The following CSPG5 variants were observed in gnomAD, a reference collection of about 807,000 sequenced individuals.
CSPG5 encodes the protein acidic leucine-rich EGF-like domain-containing brain protein.
A neutral mutation model predicts 39.8 loss-of-function variants in CSPG5; 25 were observed. The observed-to-expected ratio is 0.63, with a 90% confidence interval of 0.46 to 0.88. The LOEUF is 0.88. Ranked by LOEUF, CSPG5 falls within the 40% of genes least tolerant of loss-of-function variation. CSPG5 has a pLI of 0.00. For synonymous variants in CSPG5, 295 were observed against 303.9 expected (o/e 0.97, Z 0.31); for missense variants, 627 against 702.2 (o/e 0.89, Z 1.21).
Position 47,570,164 on chromosome 3 carries a change from G to A in CSPG5, c.1383-937C>T, listed in dbSNP as rs554287821. 2.0e-5 allele frequency among the ~76,000 whole-genome samples: 3 copies of A among 152,102 alleles called. No individual in the cohort carries two copies. In the East Asian group the frequency reaches 5.8e-4, roughly 29 times the overall value. On this transcript the variant is annotated intron_variant, in intron 3 of 4. Transcript: ENST00000264723. ...GTTATATAGGTATATGTGTGTCATGGTAGTTGGCTGCACCTATCAACCCGT... is the reference window on the plus strand; with the variant it reads ...GTTATATAGGTATATGTGTGTCATGATAGTTGGCTGCACCTATCAACCCGT...
At position 47,577,682 on chromosome 3, in the gene CSPG5, G is replaced by A. The variant is rs1201825570; in HGVS notation, c.344C>T (p.Ala115Val). The A allele has an allele frequency of 1.3e-6, 2 of 1,593,620 alleles. No individual in the cohort carries two copies. ...SPGLGGVTAE[A>V]GSGDAQALPA... ...AAGGGCCTGGGCATCGCCGCTGCCC[G>A]CCTCTGCGGTCACTCCTCCCAGGCC... Residue 115 changes from alanine (A) to valine (V), a missense_variant, in exon 2 of 5, where the codon GCG becomes GTG. By Grantham distance (64) the Ala-to-Val change is moderately conservative. Transcript: ENST00000264723. The surrounding 1 kb of genome is among the most constrained non-coding windows in gnomAD (Gnocchi z 4.7).
chr3:47,577,648 C>A lies in CSPG5; in HGVS notation c.378G>T (p.Thr126=), dbSNP rs144574217. The change falls in exon 2 of 5, where the codon ACG becomes ACT. Residue 126 remains threonine (T), a synonymous_variant. Transcript: ENST00000264723. This position sits in a 1 kb window ranked among gnomAD's most constrained non-coding sequence, Gnocchi z 4.7. ...GSGDAQALPA[T]LQAPHEVLGQ... is the part of the protein sequence containing the mutation. ...CGAGGACCTCGTGGGGAGCCTGGAG[C>A]GTAGCTGGAAGGGCCTGGGCATCGC... is the stretch of plus-strand genomic sequence containing the variant. The A allele has an allele frequency of 4.6e-4, 745 of 1,608,466 alleles. 3 individuals carry two copies. The African/African-American group carries it at 8.3e-3, about 18-fold the overall frequency.
chr3:47,577,454 A>G lies in CSPG5; in HGVS notation c.572T>C (p.Leu191Pro). 1 of 1,614,038 alleles carries G rather than the reference A, an allele frequency of 6.2e-7. No individual in the cohort carries two copies. Among genetic ancestry groups the G allele is most frequent in the Non-Finnish European group, 8.5e-7 (1 of 1,179,998 alleles). ...GSTPDPQGPE[L>P]TYPFQGTLEP... Reference sequence around the variant, plus strand: ...CAGGGTGCCCTGAAATGGGTAAGTCAGCTCTGGCCCTTGAGGGTCGGGTGT... The same window carrying G: ...CAGGGTGCCCTGAAATGGGTAAGTCGGCTCTGGCCCTTGAGGGTCGGGTGT... The change falls in exon 2 of 5, where the codon CTG (leucine) becomes CCG (proline). Residue 191 changes from leucine (L) to proline (P), a missense_variant. By Grantham distance (98) the Leu-to-Pro change is moderately conservative. Coordinates refer to ENST00000264723, the MANE Select transcript of CSPG5 (RefSeq NM_006574.4). This position sits in a 1 kb window ranked among gnomAD's most constrained non-coding sequence, Gnocchi z 4.7.
chr3:47,578,546 C>A lies in CSPG5; in HGVS notation c.97+51G>T. On this transcript the variant is annotated intron_variant, in intron 1 of 4. Transcript: ENST00000264723. This position sits in a 1 kb window ranked among gnomAD's most constrained non-coding sequence, Gnocchi z 6.0. Reference sequence around the variant, plus strand: ...GTCCCCGCCGCCAGCGGGACCCCTGCCCTGGGTGGGGCACGAGGGCCGCGG... The same window carrying A: ...GTCCCCGCCGCCAGCGGGACCCCTGACCTGGGTGGGGCACGAGGGCCGCGG... 1 of 648,756 alleles carries A rather than the reference C, an allele frequency of 1.5e-6. No individual in the cohort carries two copies. The highest frequency in any genetic ancestry group is 1.9e-5 in the African/African-American group (1 of 51,510). The allele number at this position is 648,756 out of a possible 1,614,324, so 40.2% of individuals were successfully genotyped here. A position where few individuals can be genotyped will look rare whatever the true frequency, so the allele number is the denominator to read the frequency against.
intron 4 of CSPG5, among the ~76,000 whole-genome samples, chr3:47,565,129 C>T (rs1406577607): frequency 6.6e-6 from 1 of 152,156 alleles, no homozygotes; most frequent in Admixed American, 6.5e-5. Flanking sequence ...GACTAAGTGA[C>T]TCCTCACAGA....
intron 4 of CSPG5, among the ~76,000 whole-genome samples, chr3:47,566,108 T>C (rs1310935553): frequency 2.6e-5 from 4 of 152,238 alleles, no homozygotes; most frequent in African/African-American, 9.6e-5. Flanking sequence ...ACTTTTTTGC[T>C]TGCAATCTTT....
chr3:47,577,455 G>T lies in CSPG5; in HGVS notation c.571C>A (p.Leu191Met). 2 of 1,614,090 alleles carry T rather than the reference G, an allele frequency of 1.2e-6. No individual in the cohort carries two copies. The highest frequency in any genetic ancestry group is 1.7e-6 in the Non-Finnish European group (2 of 1,180,020). Residue 191 changes from leucine (L) to methionine (M), a missense_variant, in exon 2 of 5, where the codon CTG becomes ATG. By Grantham distance (15) the Leu-to-Met change is conservative (BLOSUM62 2). Coordinates refer to ENST00000264723, the MANE Select transcript of CSPG5 (RefSeq NM_006574.4). This position sits in a 1 kb window ranked among gnomAD's most constrained non-coding sequence, Gnocchi z 4.7. ...AGGGTGCCCTGAAATGGGTAAGTCA[G>T]CTCTGGCCCTTGAGGGTCGGGTGTG... is the stretch of plus-strand genomic sequence containing the variant. ...GSTPDPQGPE[L>M]TYPFQGTLEP... is the part of the protein sequence containing the mutation.
chr3:47,570,783 G>C (rs1482464470), intron 3 of CSPG5, among the ~76,000 whole-genome samples: 1 of 152,264 alleles, frequency 6.6e-6, no homozygotes, highest in East Asian at 1.9e-4. Context: ...GCCTCCCAAA[G>C]TGCTGGGATT....
intron 4 of CSPG5, among the ~76,000 whole-genome samples, chr3:47,565,344 C>G (rs909295370): frequency 6.6e-6 from 1 of 152,234 alleles, no homozygotes; most frequent in African/African-American, 2.4e-5. Flanking sequence ...AATGTCTACA[C>G]CAAGATGGGG....
At chr3:47,576,530 C>T (rs2031741796) in intron 2 of CSPG5, among the ~76,000 whole-genome samples, 1 of 149,118 alleles carries the variant, frequency 6.7e-6, no homozygotes, top group African/African-American at 2.5e-5. Context: ...ACGATCTTGG[C>T]TCACTGCAAC....
At chr3:47,567,512 G>A (rs1208719561) in intron 4 of CSPG5, among the ~76,000 whole-genome samples, 1 of 152,148 alleles carries the variant, frequency 6.6e-6, no homozygotes, top group Admixed American at 6.5e-5. Flanking sequence ...TACAAACCAA[G>A]TGAAATAATC....
chr3:47,562,434 G>T lies in CSPG5; in HGVS notation c.*166C>A. 1 of 556,740 alleles carries T rather than the reference G, an allele frequency of 1.8e-6. No individual in the cohort carries two copies. The highest frequency in any genetic ancestry group is 2.9e-6 in the Non-Finnish European group (1 of 346,704). 34.5% of individuals were successfully genotyped at this position (556,740 alleles called of 1,614,324 possible). On this transcript the variant is annotated 3_prime_UTR_variant, in exon 5 of 5. Coordinates refer to ENST00000264723, the MANE Select transcript of CSPG5 (RefSeq NM_006574.4). ...TGTTCAGTTTCTTTGCTTATTTTAA[G>T]TATTTTTTTGCCTCCTGTACAAAAT...
rs575557109 is a variant in CSPG5, at chr3:47,574,461, G to A, written c.1194-1587C>T. On this transcript the variant is annotated intron_variant, in intron 2 of 4. Transcript: ENST00000264723. ...CTGAATTTTGAGGAGCAAAATCACAGGGTTTCCTCATATTTCTGGTAGCCC... is the reference window on the plus strand; with the variant it reads ...CTGAATTTTGAGGAGCAAAATCACAAGGTTTCCTCATATTTCTGGTAGCCC... 2.6e-5 allele frequency among the ~76,000 whole-genome samples: 4 copies of A among 152,250 alleles called. No homozygotes were observed. The South Asian group carries it at 8.3e-4, about 32-fold the overall frequency.
chr3:47,576,789 T>C (rs779925843), intron 2 of CSPG5, 44 bp downstream of exon 2: 2 of 1,519,326 alleles, frequency 1.3e-6, no homozygotes, highest in Non-Finnish European at 1.8e-6. Context: ...CGGCCTCACA[T>C]ACACTCTTCA....
Position 47,576,990 on chromosome 3 carries a change from G to A in CSPG5, c.1036C>T (p.Pro346Ser). 1 of 1,613,484 alleles carries A rather than the reference G, an allele frequency of 6.2e-7. No homozygotes were observed. Among genetic ancestry groups the A allele is most frequent in the Non-Finnish European group, 8.5e-7 (1 of 1,179,692 alleles). Reference sequence around the variant, plus strand: ...TCACTGGAGGCCAAGTCCCTGCCTGGCTCTCCTGGGCGGGGCCTGAGGGCG... The same window carrying A: ...TCACTGGAGGCCAAGTCCCTGCCTGACTCTCCTGGGCGGGGCCTGAGGGCG... ...SIALRPRPGE[P>S]GRDLASSENG... is the part of the protein sequence containing the mutation. The change falls in exon 2 of 5, where the codon CCA (proline) becomes TCA (serine). Residue 346 changes from proline to serine, a missense_variant. Transcript: ENST00000264723.
At position 47,562,753 on chromosome 3, in the gene CSPG5, A is replaced by C. The variant is rs1247361830; in HGVS notation, c.1467T>G (p.Pro489=). 2 of 1,605,956 alleles carry C rather than the reference A, an allele frequency of 1.2e-6. No individual in the cohort carries two copies. Among genetic ancestry groups the C allele is most frequent in the African/African-American group, 2.7e-5 (2 of 74,546 alleles). Residue 489 remains proline (P), a synonymous_variant, in exon 5 of 5, where the codon CCT becomes CCG. Coordinates refer to ENST00000264723, the MANE Select transcript of CSPG5 (RefSeq NM_006574.4). ...IAEGSHPNDD[P]SAPHKIQEVL... Reference sequence around the variant, plus strand: ...CCTCCTGGATTTTGTGGGGAGCACTAGGATCATCCTGGAAGAGGGAAAAAG... The same window carrying C: ...CCTCCTGGATTTTGTGGGGAGCACTCGGATCATCCTGGAAGAGGGAAAAAG...
intron 4 of CSPG5, among the ~76,000 whole-genome samples, chr3:47,564,292 G>A (rs2031205086): frequency 1.3e-5 from 2 of 152,176 alleles, no homozygotes; most frequent in South Asian, 4.1e-4. Flanking sequence ...TTATGGGAGT[G>A]ATGAGTTGGA....
upstream of CSPG5, chr3:47,579,277 C>G (rs996110025): frequency 6.6e-6 from 1 of 152,272 alleles, no homozygotes; most frequent in Non-Finnish European, 1.5e-5. This position sits in a 1 kb window ranked among gnomAD's most constrained non-coding sequence, Gnocchi z 4.2. Flanking sequence ...GGCGGAAGCA[C>G]GAGCCCCCAC....
At chr3:47,578,896 T>A (rs1488983578), upstream of CSPG5, 1 of 148,038 alleles carries the variant, frequency 6.8e-6, no homozygotes, top group African/African-American at 2.5e-5. The surrounding 1 kb of genome is among the most constrained non-coding windows in gnomAD (Gnocchi z 6.0). Context: ...CTGCCGCCGC[T>A]GCGCTCAGCG....
Sources: gnomAD v4.1 joint callset for allele counts (sites outside exome capture counted in the v4.1 genomes callset) on GRCh38, gnomAD v4.1.1 for gene constraint, Gnocchi (gnomAD v3.1) non-coding constraint, MANE v1.5 for transcripts, NCBI Gene and HGNC (gene_info 2026-07-23, HGNC 2026-07-21) for gene names.